TSPAN18: variants seen among roughly 807,000 people sequenced by gnomAD.
TSPAN18 encodes tetraspanin 18.
A neutral mutation model predicts 27.3 loss-of-function variants in TSPAN18; 14 were observed. The observed-to-expected ratio is 0.51, with a 90% CI of 0.34 to 0.80. TSPAN18 has a LOEUF of 0.80. Among genes scored for constraint, TSPAN18 ranks in the 30% least tolerant of loss-of-function variants. The probability of loss-of-function intolerance (pLI) is 0.01; values close to 1 mark genes in which losing one functional copy is unlikely to be tolerated. For synonymous variants in TSPAN18, 143 were observed against 136.5 expected (o/e 1.05, Z -0.33); for missense variants, 268 against 323.9 (o/e 0.83, Z 1.32).
intron 2 of TSPAN18, among the ~76,000 whole-genome samples, chr11:44,768,321 A>G (rs1339396341): frequency 1.3e-5 from 2 of 152,136 alleles, no homozygotes; most frequent in African/African-American, 4.8e-5. Context: ...CACATATTTT[A>G]TTAGATTTAT....
At chr11:44,754,172 A>C (rs1855276936) in intron 1 of TSPAN18, among the ~76,000 whole-genome samples, 1 of 152,202 alleles carries the variant, frequency 6.6e-6, no homozygotes, top group African/African-American at 2.4e-5. Flanking sequence ...CTGCATTAGA[A>C]TATATTTACA....
intron 1 of TSPAN18, among the ~76,000 whole-genome samples, chr11:44,749,797 C>A (rs576695817): frequency 2.0e-5 from 3 of 151,994 alleles, no homozygotes; most frequent in African/African-American, 7.3e-5. Context: ...CTACCATGCC[C>A]GGCTAATTTT....
At chr11:44,780,772 C>T (rs1855919858) in intron 2 of TSPAN18, among the ~76,000 whole-genome samples, 2 of 152,246 alleles carry the variant, frequency 1.3e-5, no homozygotes, top group South Asian at 4.1e-4. Context: ...CATGGTTCCT[C>T]ACTCCTGGGG....
At chr11:44,803,465 T>A (rs1432402456) in intron 2 of TSPAN18, among the ~76,000 whole-genome samples, 11 of 152,278 alleles carry the variant, frequency 7.2e-5, no homozygotes, top group African/African-American at 2.4e-4. Flanking sequence ...AGTTCTTGAA[T>A]GCTGAATTTG....
At chr11:44,861,962 G>C (rs1456847612) in intron 3 of TSPAN18, among the ~76,000 whole-genome samples, 1 of 152,024 alleles carries the variant, frequency 6.6e-6, no homozygotes, top group Non-Finnish European at 1.5e-5. Flanking sequence ...CCACCCCAGC[G>C]CCTGGCTGCC....
intron 3 of TSPAN18, among the ~76,000 whole-genome samples, chr11:44,902,914 G>A (rs997003094): frequency 6.6e-6 from 1 of 152,166 alleles, no homozygotes; most frequent in Non-Finnish European, 1.5e-5. Flanking sequence ...TGTTGGAGGC[G>A]AGGAGGATAC....
intron 2 of TSPAN18, among the ~76,000 whole-genome samples, chr11:44,765,231 C>G (rs1855539305): frequency 6.6e-6 from 1 of 152,212 alleles, no homozygotes; most frequent in African/African-American, 2.4e-5. Context: ...ACTTGAATCT[C>G]TGTTCCAGCA....
At chr11:44,818,624 C>A (rs992134245) in intron 2 of TSPAN18, among the ~76,000 whole-genome samples, 2 of 152,294 alleles carry the variant, frequency 1.3e-5, no homozygotes, top group African/African-American at 4.8e-5. Context: ...CCTGCCCTAT[C>A]CCCACATCTT....
At chr11:44,792,434 G>T (rs921771466) in intron 2 of TSPAN18, among the ~76,000 whole-genome samples, 30 of 152,302 alleles carry the variant, frequency 2.0e-4, no homozygotes, top group Middle Eastern at 3.4e-3. Flanking sequence ...AGCGGGGGTG[G>T]CCAGGGAAGG....
At chr11:44,731,633 T>TGTGTGTGTGAGAGAGAGA (rs139154582) in intron 1 of TSPAN18, among the ~76,000 whole-genome samples, 18 of 107,386 alleles carry the variant, frequency 1.7e-4, no homozygotes, top group South Asian at 7.4e-4. Flanking sequence ...TGTGTGTGTG[T>TGTGTGTGTGAGAGAGAGA]GAGAGAGAGA....
At chr11:44,855,399 G>C (rs920588378) in intron 2 of TSPAN18, among the ~76,000 whole-genome samples, 1 of 152,190 alleles carries the variant, frequency 6.6e-6, no homozygotes, top group African/African-American at 2.4e-5. Flanking sequence ...TGTAATAGGG[G>C]AAAGGTATCA....
In TSPAN18 at chr11:44,791,590, C is replaced by T. The variant is rs554281761; in HGVS notation, c.-153+27078C>T. On this transcript the variant is annotated intron_variant, in intron 2 of 9. Coordinates refer to ENST00000520358, the MANE Select transcript of TSPAN18 (RefSeq NM_130783.5). ...GCACTGGGAGGCACTCAGAGGCATC[C>T]TAGTCACTTCTTCTGTGGACTGTCT... Among the ~76,000 whole-genome samples the T allele has an allele frequency of 2.6e-5, 4 of 152,298 alleles. No homozygotes were observed. The South Asian group carries it at 8.3e-4, about 32-fold the overall frequency.
intron 2 of TSPAN18, among the ~76,000 whole-genome samples, chr11:44,821,160 G>A (rs1442666403): frequency 6.6e-6 from 1 of 152,182 alleles, no homozygotes; most frequent in Non-Finnish European, 1.5e-5. Context: ...ATTAACAAGT[G>A]GGAGCATGCT....
At chr11:44,801,749 C>T (rs2135070687) in intron 2 of TSPAN18, among the ~76,000 whole-genome samples, 1 of 152,288 alleles carries the variant, frequency 6.6e-6, no homozygotes, top group Admixed American at 6.5e-5. Flanking sequence ...ATAGTTCTAG[C>T]TGCCGGCTTT....
chr11:44,908,798 A>AGAAGGAAGGAAG (rs1564992911), intron 4 of TSPAN18, among the ~76,000 whole-genome samples: 5 of 116,546 alleles, frequency 4.3e-5, no homozygotes, highest in Admixed American at 8.9e-5. Context: ...AAAGAAAGAA[A>AGAAGGAAGGAAG]GAAAGAAAGA....
intron 3 of TSPAN18, among the ~76,000 whole-genome samples, chr11:44,901,651 G>T (rs1177766800): frequency 6.6e-6 from 1 of 152,236 alleles, no homozygotes; most frequent in East Asian, 1.9e-4. Flanking sequence ...TTTGCCCAAG[G>T]TCACACAACA....
At chr11:44,771,947 A>G (rs1855699052) in intron 2 of TSPAN18, among the ~76,000 whole-genome samples, 1 of 152,250 alleles carries the variant, frequency 6.6e-6, no homozygotes, top group South Asian at 2.1e-4. Context: ...ATGTGAGTAT[A>G]GAGGCCGAGA....
chr11:44,769,542 C>T (rs1471701610), intron 2 of TSPAN18, among the ~76,000 whole-genome samples: 1 of 152,100 alleles, frequency 6.6e-6, no homozygotes, highest in East Asian at 1.9e-4. Context: ...TTCTTTTTTG[C>T]AAGGTTTATT....
chr11:44,790,155 GTGTGTGTGTGCA>G (rs1416900049), intron 2 of TSPAN18, among the ~76,000 whole-genome samples: 5 of 133,124 alleles, frequency 3.8e-5, no homozygotes, highest in African/African-American at 1.4e-4. Context: ...GTGTGTGCAT[GTGTGTGTGTGCA>G]TGTGTGTGTG....
Sources: gnomAD v4.1 joint callset for allele counts (sites outside exome capture counted in the v4.1 genomes callset) on GRCh38, gnomAD v4.1.1 for gene constraint, MANE v1.5 for transcripts, NCBI Gene and HGNC (gene_info 2026-07-23, HGNC 2026-07-21) for gene names.